Variants in KRT77 observed in about 807,000 individuals in gnomAD.
The protein encoded by KRT77 is keratin, type II cytoskeletal 1b.
In KRT77, 44 loss-of-function variants were observed where a neutral mutation model predicts 51.5. That is an observed-to-expected ratio of 0.85 (90% CI 0.67 to 1.10). KRT77 has a LOEUF of 1.10. KRT77 is among the 50% of genes least tolerant of loss of function. The pLI is 0.00. For synonymous variants in KRT77, 293 were observed against 302.0 expected (o/e 0.97, Z 0.31); for missense variants, 763 against 743.9 (o/e 1.03, Z -0.30).
intron 1 of KRT77, chr12:52,698,312 G>A (rs1464269064): frequency 2.0e-6 from 1 of 493,010 alleles, no homozygotes; most frequent in Non-Finnish European, 3.8e-6. Context: ...AAGAAAAAGA[G>A]AGAAGGATCA....
At chr12:52,697,642 G>A (rs767035193) in intron 2 of KRT77, 40 bp downstream of exon 2, 5 of 1,551,210 alleles carry the variant, frequency 3.2e-6, no homozygotes, top group Middle Eastern at 1.7e-4. Context: ...CCAGTTTCCG[G>A]CCATGCTTCT....
rs1375276615 is a variant in KRT77, at chr12:52,690,178, G to C, written c.*987C>G. On this transcript the variant is annotated 3_prime_UTR_variant, in exon 9 of 9. Coordinates refer to ENST00000341809, the MANE Select transcript of KRT77 (RefSeq NM_175078.3). Reference sequence around the variant, plus strand: ...GTGGTTATGATGCAGAGCTTAGGAAGGGTCAGGCTTCAAAAGAATGGAGCT... The same window carrying C: ...GTGGTTATGATGCAGAGCTTAGGAACGGTCAGGCTTCAAAAGAATGGAGCT... The C allele has an allele frequency of 9.8e-5, 15 of 152,390 alleles. No individual in the cohort carries two copies. The East Asian group carries it at 2.9e-3, about 29-fold the overall frequency. 9.4% of individuals were successfully genotyped at this position (152,390 alleles called of 1,614,324 possible). A position where few individuals can be genotyped will look rare whatever the true frequency, so the allele number is the denominator to read the frequency against.
chr12:52,689,874 C>T lies in KRT77; in HGVS notation c.*1291G>A, dbSNP rs920809294. 1.3e-5 allele frequency: 2 copies of T among 152,236 alleles called. No homozygotes were observed. Among genetic ancestry groups the T allele is most frequent in the African/African-American group, 2.4e-5 (1 of 41,444 alleles). 9.4% of individuals were successfully genotyped at this position (152,236 alleles called of 1,614,324 possible). A position where few individuals can be genotyped will look rare whatever the true frequency, so the allele number is the denominator to read the frequency against. ...AAGGCCTGATACTTTCCTCTTCCTG[C>T]CCTCTCCAGCACATCTCAAGCCTCT... On this transcript the variant is annotated 3_prime_UTR_variant, in exon 9 of 9. Coordinates refer to ENST00000341809, the MANE Select transcript of KRT77 (RefSeq NM_175078.3).
At position 52,692,765 on chromosome 12, in the gene KRT77, A is replaced by C. The variant is rs1352688674; in HGVS notation, c.1196T>G (p.Val399Gly). The change falls in exon 6 of 9, where the codon GTG (valine) becomes GGG (glycine). Residue 399 changes from valine to glycine, a missense_variant. Val to Gly is a moderately radical substitution (Grantham distance 109). Coordinates refer to ENST00000341809, the MANE Select transcript of KRT77 (RefSeq NM_175078.3). ...AAGCACCCGTCCCACCTGCTTCTTC[A>C]CGTTGCTGATCTCTGCCTGCAGCCT... ...VQRLQAEISN[V>G]KKQIEQMQSL... is the part of the protein sequence containing the mutation. 7.5e-6 allele frequency: 12 copies of C among 1,604,164 alleles called. 1 individual carries two copies. In the Admixed American group the frequency reaches 2.0e-4, roughly 27 times the overall value.
At chr12:52,700,992 G>A (rs1185624869) in intron 1 of KRT77, among the ~76,000 whole-genome samples, 2 of 152,190 alleles carry the variant, frequency 1.3e-5, no homozygotes, top group Non-Finnish European at 2.9e-5. Flanking sequence ...ACCTGGCTGA[G>A]AAGCCTCTCC....
At chr12:52,702,397 A>T (rs752140849) in intron 1 of KRT77, among the ~76,000 whole-genome samples, 4 of 151,884 alleles carry the variant, frequency 2.6e-5, no homozygotes, top group Non-Finnish European at 4.4e-5. Flanking sequence ...GAATGAACAG[A>T]TGAACACGTG....
intron 1 of KRT77, among the ~76,000 whole-genome samples, chr12:52,700,403 G>A (rs1181785754): frequency 6.6e-6 from 1 of 152,114 alleles, no homozygotes; most frequent in African/African-American, 2.4e-5. Flanking sequence ...GGTGGTCAGG[G>A]AAGGCCCCAC....
In KRT77 at chr12:52,692,469, T is replaced by C. The variant is rs546897928; in HGVS notation, c.1379A>G (p.Asp460Gly). ...CTGGCGGTAGGTGGCGATCTCCACA[T>C]CCAGGGACAGCTTGACCCCCAGCAT... ...QAMLGVKLSLDVEIATYRQLL... is the reference protein window; with the variant it reads ...QAMLGVKLSLGVEIATYRQLL... The change falls in exon 7 of 9, where the codon GAT becomes GGT. Residue 460 changes from aspartate to glycine, a missense_variant. By Grantham distance (94) the Asp-to-Gly change is moderately conservative. Coordinates refer to ENST00000341809, the MANE Select transcript of KRT77 (RefSeq NM_175078.3). The C allele has an allele frequency of 6.2e-7, 1 of 1,613,994 alleles. No individual in the cohort carries two copies. Among genetic ancestry groups the C allele is most frequent in the South Asian group, 1.1e-5 (1 of 91,066 alleles).
Position 52,690,905 on chromosome 12 carries a change from C to A in KRT77, c.*260G>T. 1.7e-6 allele frequency: 1 copy of A among 572,292 alleles called. No individual in the cohort carries two copies. The highest frequency in any genetic ancestry group is 3.1e-6 in the Non-Finnish European group (1 of 326,176). The allele number at this position is 572,292 out of a possible 1,614,324, so 35.5% of individuals were successfully genotyped here. On this transcript the variant is annotated 3_prime_UTR_variant, in exon 9 of 9. Coordinates refer to ENST00000341809, the MANE Select transcript of KRT77 (RefSeq NM_175078.3). ...TCTTCCAAAAAGGTGGGAGCAGGAA[C>A]AGCAGCAGGGCCAGCAGAGCGGGGT...
chr12:52,691,774 A>G (rs1019116524), intron 8 of KRT77, among the ~76,000 whole-genome samples, 164 bp downstream of exon 8: 2 of 152,230 alleles, frequency 1.3e-5, no homozygotes, highest in African/African-American at 4.8e-5. Flanking sequence ...ATTTATTTCA[A>G]ATGAATTCTT....
chr12:52,691,960 C>G lies in KRT77; in HGVS notation c.1440G>C (p.Glu480Asp). The G allele has an allele frequency of 1.2e-6, 2 of 1,614,076 alleles. No individual in the cohort carries two copies. Among genetic ancestry groups the G allele is most frequent in the Non-Finnish European group, 1.7e-6 (2 of 1,180,042 alleles). ...TACAGATGCTCACATGGCTCTGCAG[C>G]TCTCCTGACATCCTGTAAAACCAAA... is the stretch of plus-strand genomic sequence containing the variant. ...LEGEESRMSG[E>D]LQSHVSISVQ... The change falls in exon 8 of 9, where the codon GAG (glutamate) becomes GAC (aspartate). Residue 480 changes from glutamate to aspartate, a missense_variant. By Grantham distance (45) the Glu-to-Asp change is conservative. Transcript: ENST00000341809.
Position 52,689,647 on chromosome 12 carries a change from A to C in KRT77, c.*1518T>G, listed in dbSNP as rs1476909802. On this transcript the variant is annotated 3_prime_UTR_variant, in exon 9 of 9. Coordinates refer to ENST00000341809, the MANE Select transcript of KRT77 (RefSeq NM_175078.3). ...GCAATTTGAGATCACAGAAAAATTT[A>C]TTATAGAAATACCAGAAATGCTGCC... 1 of 152,370 alleles carries C rather than the reference A, an allele frequency of 6.6e-6. No individual in the cohort carries two copies. Among genetic ancestry groups the C allele is most frequent in the Non-Finnish European group, 1.5e-5 (1 of 68,178 alleles). The allele number at this position is 152,370 out of a possible 1,614,324, so 9.4% of individuals were successfully genotyped here. A position where few individuals can be genotyped will look rare whatever the true frequency, so the allele number is the denominator to read the frequency against.
At chr12:52,699,785 T>C (rs949043385) in intron 1 of KRT77, among the ~76,000 whole-genome samples, 20 of 152,206 alleles carry the variant, frequency 1.3e-4, no homozygotes, top group African/African-American at 4.1e-4. Flanking sequence ...CTTGCAGTCA[T>C]GTGACAGTGT....
rs891458992 is a variant in KRT77 at position 52,689,972 on chromosome 12, G to A, written c.*1193C>T. 1 of 152,230 alleles carries A rather than the reference G, an allele frequency of 6.6e-6. No homozygotes were observed. Among genetic ancestry groups the A allele is most frequent in the African/African-American group, 2.4e-5 (1 of 41,448 alleles). The allele number at this position is 152,230 out of a possible 1,614,324, so 9.4% of individuals were successfully genotyped here. A position where few individuals can be genotyped will look rare whatever the true frequency, so the allele number is the denominator to read the frequency against. ...GCTACAGAGAACAGAAGGCAGGAGG[G>A]ACTAGAGAGGTCTGGGAAAGGGCAT... On this transcript the variant is annotated 3_prime_UTR_variant, in exon 9 of 9. Coordinates refer to ENST00000341809, the MANE Select transcript of KRT77 (RefSeq NM_175078.3).
Position 52,703,200 on chromosome 12 carries a change from T to A in KRT77, c.235A>T (p.Thr79Ser). ...SISINLMGRS[T>S]SGFCQGGGVG... ...CCCCCACCCTGGCAGAAACCACTGGTGCTCCTCCCCATTAGATTAATGGAG... is the reference window on the plus strand; with the variant it reads ...CCCCCACCCTGGCAGAAACCACTGGAGCTCCTCCCCATTAGATTAATGGAG... Residue 79 changes from threonine (T) to serine (S), a missense_variant, in exon 1 of 9, where the codon ACC (threonine) becomes TCC (serine). Transcript: ENST00000341809. The A allele has an allele frequency of 6.2e-7, 1 of 1,607,490 alleles. No homozygotes were observed. Among genetic ancestry groups the A allele is most frequent in the Non-Finnish European group, 8.5e-7 (1 of 1,178,230 alleles).
chr12:52,690,929 G>A lies in KRT77; in HGVS notation c.*236C>T, dbSNP rs1941693846. ...ACAGCAGCAGGGCCAGCAGAGCGGG[G>A]TCTGAGTGAGAATGTGCCTAGCTGT... is the stretch of plus-strand genomic sequence containing the variant. On this transcript the variant is annotated 3_prime_UTR_variant, in exon 9 of 9. Coordinates refer to ENST00000341809, the MANE Select transcript of KRT77 (RefSeq NM_175078.3). 2 of 610,416 alleles carry A rather than the reference G, an allele frequency of 3.3e-6. No homozygotes were observed. The highest frequency in any genetic ancestry group is 5.7e-6 in the Non-Finnish European group (2 of 351,988). The allele number at this position is 610,416 out of a possible 1,614,324, so 37.8% of individuals were successfully genotyped here. A position where few individuals can be genotyped will look rare whatever the true frequency, so the allele number is the denominator to read the frequency against.
At chr12:52,691,782 C>A (rs558262912) in intron 8 of KRT77, among the ~76,000 whole-genome samples, 156 bp downstream of exon 8, 1 of 152,310 alleles carries the variant, frequency 6.6e-6, no homozygotes, top group South Asian at 2.1e-4. Context: ...CAAATGAATT[C>A]TTCCAGGCTT....
Position 52,695,756 on chromosome 12 carries a change from T to C in KRT77, c.915+16A>G, listed in dbSNP as rs1941786444. On this transcript the variant is annotated intron_variant, in intron 4 of 8. Transcript: ENST00000341809. ...TGTGAGAAAAGAAAGGAGGTTCTTATAAAGGCTTAACTCACCGTCAAAAAT... is the reference window on the plus strand; with the variant it reads ...TGTGAGAAAAGAAAGGAGGTTCTTACAAAGGCTTAACTCACCGTCAAAAAT... 1 of 1,581,458 alleles carries C rather than the reference T, an allele frequency of 6.3e-7. No homozygotes were observed. The highest frequency in any genetic ancestry group is 2.2e-5 in the East Asian group (1 of 44,716).
At chr12:52,698,987 TG>T (rs1482383235) in intron 1 of KRT77, among the ~76,000 whole-genome samples, 1 of 152,212 alleles carries the variant, frequency 6.6e-6, no homozygotes, top group East Asian at 1.9e-4. Context: ...TCCGCCCCTC[TG>T]AGGGGCCAAC....
Sources: allele counts gnomAD v4.1 joint callset (sites outside exome capture counted in the v4.1 genomes callset), GRCh38; gene constraint gnomAD v4.1.1; transcripts MANE v1.5; gene names NCBI Gene and HGNC (gene_info 2026-07-23, HGNC 2026-07-21).